The following TRAPPC9 variants were observed in gnomAD, a reference collection of about 807,000 sequenced individuals.
TRAPPC9 encodes IKK2 binding protein.
In TRAPPC9, 83 loss-of-function variants were observed where a neutral mutation model predicts 124.0. The ratio of observed to expected loss-of-function variants is 0.67; its 90% CI spans 0.56 to 0.80. TRAPPC9 has a LOEUF of 0.80. TRAPPC9 is among the 30% of genes least tolerant of loss of function. The probability of loss-of-function intolerance (pLI) is 0.00; values close to 1 mark genes in which losing one functional copy is unlikely to be tolerated. For missense variants in TRAPPC9, 1,302 were observed against 1,508.3 expected, an observed-to-expected ratio of 0.86 and a Z score of 2.27; for synonymous variants, 638 against 617.5, an observed-to-expected ratio of 1.03 and a Z score of -0.49.
intron 21 of TRAPPC9, among the ~76,000 whole-genome samples, chr8:139,871,422 G>A (rs1050818288): frequency 6.6e-6 from 1 of 152,136 alleles, no homozygotes; most frequent in Non-Finnish European, 1.5e-5. Flanking sequence ...GCACCTGCAG[G>A]CATTTATACT....
At chr8:140,276,513 C>A (rs1357490364) in intron 14 of TRAPPC9, among the ~76,000 whole-genome samples, 2 of 152,120 alleles carry the variant, frequency 1.3e-5, no homozygotes, top group Middle Eastern at 3.2e-3. Context: ...AGGGCCTCCC[C>A]GAGGCTCCTG....
intron 21 of TRAPPC9, among the ~76,000 whole-genome samples, chr8:139,798,410 C>T (rs978660899): frequency 6.6e-6 from 1 of 152,150 alleles, no homozygotes; most frequent in Non-Finnish European, 1.5e-5. Context: ...TACTTTAGCA[C>T]CCTAAAGAGA....
intron 17 of TRAPPC9, among the ~76,000 whole-genome samples, chr8:140,140,066 T>G (rs1425695739): frequency 6.6e-6 from 1 of 152,174 alleles, no homozygotes; most frequent in Non-Finnish European, 1.5e-5. Flanking sequence ...TTGTGTGCAG[T>G]GAGTGGCAAA....
At chr8:140,361,102 C>T (rs1324151825) in intron 8 of TRAPPC9, among the ~76,000 whole-genome samples, 2 of 152,274 alleles carry the variant, frequency 1.3e-5, no homozygotes, top group Non-Finnish European at 2.9e-5. Context: ...TGGCTAATCA[C>T]TGCTCCAGCT....
intron 9 of TRAPPC9, among the ~76,000 whole-genome samples, chr8:140,326,152 C>T (rs1176571785): frequency 2.7e-5 from 4 of 150,542 alleles, no homozygotes; most frequent in African/African-American, 7.3e-5. Flanking sequence ...TTTGGGAGGC[C>T]GAGGCGGGCG....
At chr8:140,069,241 T>C (rs1385803596) in intron 17 of TRAPPC9, among the ~76,000 whole-genome samples, 2 of 152,160 alleles carry the variant, frequency 1.3e-5, no homozygotes, top group Admixed American at 6.5e-5. Flanking sequence ...AGTGTAGCAG[T>C]GGCGCAGAAA....
intron 21 of TRAPPC9, among the ~76,000 whole-genome samples, chr8:139,852,702 T>C (rs1243478329): frequency 6.6e-6 from 1 of 152,200 alleles, no homozygotes; most frequent in Non-Finnish European, 1.5e-5. Flanking sequence ...AATATTCCAT[T>C]TTCTCCCTCT....
At chr8:139,739,357 CTGG>C (rs1459917214) in intron 21 of TRAPPC9, among the ~76,000 whole-genome samples, 1 of 152,250 alleles carries the variant, frequency 6.6e-6, no homozygotes, top group Non-Finnish European at 1.5e-5. Flanking sequence ...GTGTGAGACG[CTGG>C]TAGGTAGTGT....
intron 20 of TRAPPC9, among the ~76,000 whole-genome samples, chr8:139,890,436 G>C (rs534147464): frequency 6.6e-6 from 1 of 152,364 alleles, no homozygotes; most frequent in Non-Finnish European, 1.5e-5. Context: ...CCTGCCCAGG[G>C]CAGTCCATGG....
At chr8:140,012,479 G>A (rs1191267894) in intron 18 of TRAPPC9, among the ~76,000 whole-genome samples, 3 of 152,232 alleles carry the variant, frequency 2.0e-5, no homozygotes, top group Non-Finnish European at 4.4e-5. Flanking sequence ...GGCTTGCCAC[G>A]CATCAGGCAC....
chr8:140,033,658 G>GTTTTTTGTTT (rs1563706552), intron 17 of TRAPPC9, among the ~76,000 whole-genome samples: 1 of 42,392 alleles, frequency 2.4e-5, no homozygotes, highest in Non-Finnish European at 5.5e-5. Context: ...TCATAATGTG[G>GTTTTTTGTTT]TTTTTTTTTT....
intron 17 of TRAPPC9, among the ~76,000 whole-genome samples, chr8:140,205,586 G>A (rs1326021187): frequency 1.3e-5 from 2 of 152,176 alleles, no homozygotes; most frequent in Admixed American, 6.5e-5. Flanking sequence ...AATCATGAAT[G>A]CACTACATGA....
At chr8:139,953,769 A>G (rs908965214) in intron 19 of TRAPPC9, among the ~76,000 whole-genome samples, 1 of 152,188 alleles carries the variant, frequency 6.6e-6, no homozygotes, top group Non-Finnish European at 1.5e-5. Context: ...TCACCAACAA[A>G]ATCTACAGAC....
intron 17 of TRAPPC9, among the ~76,000 whole-genome samples, chr8:140,195,823 ACACT>A (rs1394376749): frequency 6.6e-5 from 10 of 151,788 alleles, no homozygotes; most frequent in Admixed American, 2.0e-4. Flanking sequence ...TGATACTAAA[ACACT>A]CAATGATCCA....
intron 21 of TRAPPC9, among the ~76,000 whole-genome samples, chr8:139,874,679 TAGAC>T (rs764714900): frequency 2.6e-5 from 4 of 151,928 alleles, no homozygotes; most frequent in Admixed American, 6.6e-5. Context: ...ACAGGGAAGA[TAGAC>T]AGGCCCAGGG....
intron 2 of TRAPPC9, among the ~76,000 whole-genome samples, 163 bp downstream of exon 2, chr8:140,450,627 T>C (rs2071420679): frequency 6.6e-6 from 1 of 152,126 alleles, no homozygotes. Context: ...TTTTGTTTGG[T>C]TGGTTTTTTT....
intron 18 of TRAPPC9, among the ~76,000 whole-genome samples, chr8:140,014,576 C>G (rs1424245184): frequency 6.6e-6 from 1 of 152,090 alleles, no homozygotes; most frequent in Non-Finnish European, 1.5e-5. Context: ...CACTCTCCCC[C>G]TAGGGAGTGC....
At chr8:140,320,746 C>CAT (rs1314357385) in intron 9 of TRAPPC9, among the ~76,000 whole-genome samples, 2 of 152,180 alleles carry the variant, frequency 1.3e-5, no homozygotes, top group Non-Finnish European at 2.9e-5. Context: ...TTATTACTGG[C>CAT]ATACTTGAGG....
At chr8:140,049,551 C>G (rs115542183) in intron 17 of TRAPPC9, among the ~76,000 whole-genome samples, 10 of 151,382 alleles carry the variant, frequency 6.6e-5, no homozygotes, top group African/African-American at 2.0e-4. Flanking sequence ...GGGCTCCCCC[C>G]CCCGAGACCA....
Sources: allele counts gnomAD v4.1 joint callset (sites outside exome capture counted in the v4.1 genomes callset), GRCh38; gene constraint gnomAD v4.1.1; transcripts MANE v1.5; gene names NCBI Gene and HGNC (gene_info 2026-07-23, HGNC 2026-07-21).